NAALADL2: variants seen among roughly 807,000 people sequenced by gnomAD.
The protein encoded by NAALADL2 is inactive N-acetylated-alpha-linked acidic dipeptidase-like protein 2.
A neutral mutation model predicts 87.2 loss-of-function variants in NAALADL2; 76 were observed. The ratio of observed to expected loss-of-function variants is 0.87; its 90% confidence interval spans 0.72 to 1.05. The LOEUF is 1.05. NAALADL2 is among the 50% of genes least tolerant of loss of function. NAALADL2 has a pLI of 0.00. For missense variants in NAALADL2, 1,089 were observed against 945.8 expected (o/e 1.15, Z -1.99); for synonymous variants, 354 against 331.0 (o/e 1.07, Z -0.75).
chr3:175,120,107 C>T (rs1725932409), intron 2 of NAALADL2, among the ~76,000 whole-genome samples: 1 of 151,340 alleles, frequency 6.6e-6, no homozygotes, highest in South Asian at 2.1e-4. Flanking sequence ...GCTGCTTTAG[C>T]AGTGGATGCA....
At chr3:175,525,303 G>A (rs974845565) in intron 9 of NAALADL2, among the ~76,000 whole-genome samples, 1 of 152,024 alleles carries the variant, frequency 6.6e-6, no homozygotes, top group African/African-American at 2.4e-5. Context: ...GTAGGACAAA[G>A]CTCAAAATTA....
chr3:174,631,215 T>G (rs1722081817), intron 2 of NAALADL2, among the ~76,000 whole-genome samples: 1 of 152,148 alleles, frequency 6.6e-6, no homozygotes, highest in Non-Finnish European at 1.5e-5. Context: ...ACAAAACAGT[T>G]CAGGCAATCT....
intron 1 of NAALADL2, among the ~76,000 whole-genome samples, chr3:174,910,035 T>C (rs1424026992): frequency 6.6e-6 from 1 of 152,150 alleles, no homozygotes; most frequent in African/African-American, 2.4e-5. Flanking sequence ...TTTGCAATGC[T>C]TTCTGCAATA....
At chr3:175,367,445 G>C (rs1430094581) in intron 5 of NAALADL2, among the ~76,000 whole-genome samples, 1 of 151,874 alleles carries the variant, frequency 6.6e-6, no homozygotes, top group African/African-American at 2.4e-5. Flanking sequence ...TAAATTACCT[G>C]GGGCAATACG....
chr3:175,707,002 A>G (rs1739814462), intron 11 of NAALADL2, among the ~76,000 whole-genome samples: 1 of 152,176 alleles, frequency 6.6e-6, no homozygotes. Flanking sequence ...AATAAAAACA[A>G]AAAAGTTTGG....
At chr3:175,338,611 AAAAC>A (rs1324125717) in intron 5 of NAALADL2, among the ~76,000 whole-genome samples, 1 of 99,360 alleles carries the variant, frequency 1.0e-5, no homozygotes, top group Non-Finnish European at 2.1e-5. Context: ...AAAAAAAAAA[AAAAC>A]ACCACAAACA....
At chr3:174,738,545 A>C (rs1294036557) in intron 3 of NAALADL2, among the ~76,000 whole-genome samples, 1 of 152,172 alleles carries the variant, frequency 6.6e-6, no homozygotes, top group Non-Finnish European at 1.5e-5. Flanking sequence ...CCTACGGGGA[A>C]AGAGACTGTG....
At chr3:175,343,655 G>GTTTTTTTTTCTTTTTTTTTTTTTTT (rs1762799922) in intron 5 of NAALADL2, among the ~76,000 whole-genome samples, 1 of 64,726 alleles carries the variant, frequency 1.5e-5, no homozygotes, top group African/African-American at 4.6e-5. Flanking sequence ...TCTTGATCAT[G>GTTTTTTTTTCTTTTTTTTTTTTTTT]TTTTTTTTTT....
intron 1 of NAALADL2, among the ~76,000 whole-genome samples, chr3:174,924,030 A>G (rs1735615653): frequency 6.6e-6 from 1 of 152,116 alleles, no homozygotes; most frequent in Non-Finnish European, 1.5e-5. Flanking sequence ...ACATAATGGT[A>G]TCTTACTTGT....
intron 5 of NAALADL2, among the ~76,000 whole-genome samples, chr3:175,354,897 C>A (rs1009170782): frequency 4.7e-5 from 7 of 150,302 alleles, no homozygotes; most frequent in African/African-American, 1.5e-4. Context: ...CACACACACA[C>A]ACACACATAT....
At chr3:175,173,116 C>T (rs1735106827) in intron 2 of NAALADL2, among the ~76,000 whole-genome samples, 1 of 151,658 alleles carries the variant, frequency 6.6e-6, no homozygotes, top group Admixed American at 6.6e-5. Context: ...CATGGCTAAA[C>T]CTAGTCTCTA....
chr3:175,668,378 T>A (rs1189598464), intron 11 of NAALADL2, among the ~76,000 whole-genome samples: 1 of 152,158 alleles, frequency 6.6e-6, no homozygotes, highest in Non-Finnish European at 1.5e-5. Context: ...AAGAATAGCA[T>A]TGTAATTTAA....
chr3:174,470,438 C>T (rs541579408), intron 1 of NAALADL2, among the ~76,000 whole-genome samples: 2 of 152,090 alleles, frequency 1.3e-5, no homozygotes, highest in Non-Finnish European at 2.9e-5. Flanking sequence ...TATTTTCTCC[C>T]ATTCTGTAGG....
At chr3:174,978,420 C>T (rs1444108784) in intron 1 of NAALADL2, among the ~76,000 whole-genome samples, 2 of 152,302 alleles carry the variant, frequency 1.3e-5, no homozygotes, top group African/African-American at 4.8e-5. Flanking sequence ...TCAGTCCTCA[C>T]TCTTTTTTAT....
chr3:174,842,217 A>G (rs1186066072), intron 3 of NAALADL2, among the ~76,000 whole-genome samples: 1 of 151,946 alleles, frequency 6.6e-6, no homozygotes, highest in African/African-American at 2.4e-5. Flanking sequence ...ACGCCTGGCT[A>G]ATTTTGTATG....
chr3:175,701,658 G>A (rs755891835), intron 11 of NAALADL2, among the ~76,000 whole-genome samples: 1 of 152,040 alleles, frequency 6.6e-6, no homozygotes, highest in Non-Finnish European at 1.5e-5. Flanking sequence ...GCTGACACCA[G>A]TGCAGCTCTA....
chr3:175,627,307 C>A lies in NAALADL2; in HGVS notation c.1817C>A (p.Ser606Tyr). The change falls in exon 11 of 14, where the codon TCC (serine) becomes TAC (tyrosine). Residue 606 changes from serine (S) to tyrosine (Y), a missense_variant. Physicochemically the swap from Ser to Tyr is moderately radical, Grantham distance 144 (BLOSUM62 -2). Coordinates refer to ENST00000454872, the MANE Select transcript of NAALADL2 (RefSeq NM_207015.3). ...TTGCCGCAGGGTCCAAGTTTTCTCT[C>A]CGAGGCCCGTTTTTCTACACGAGCA... ...IKTLEGPSFL[S>Y]EARFSTRATK... The A allele has an allele frequency of 6.4e-7, 1 of 1,566,762 alleles. No homozygotes were observed. The highest frequency in any genetic ancestry group is 8.7e-7 in the Non-Finnish European group (1 of 1,153,412).
At chr3:174,778,341 A>T (rs1184864877) in intron 3 of NAALADL2, among the ~76,000 whole-genome samples, 1 of 152,096 alleles carries the variant, frequency 6.6e-6, no homozygotes, top group African/African-American at 2.4e-5. Flanking sequence ...TAGGGTAATT[A>T]TGAAGGGTTT....
At chr3:174,632,860 G>A (rs1281279904) in intron 2 of NAALADL2, among the ~76,000 whole-genome samples, 2 of 147,998 alleles carry the variant, frequency 1.4e-5, no homozygotes, top group East Asian at 2.0e-4. Context: ...ACTTGAACCC[G>A]GGAGGTGGAG....
Sources: allele counts gnomAD v4.1 joint callset (sites outside exome capture counted in the v4.1 genomes callset), GRCh38; gene constraint gnomAD v4.1.1; transcripts MANE v1.5; gene names NCBI Gene and HGNC (gene_info 2026-07-23, HGNC 2026-07-21).